Variants in SLC14A2 observed in about 807,000 individuals in gnomAD.
SLC14A2 encodes solute carrier family 14 member 2.
SLC14A2 carries 91 observed loss-of-function variants against 104.6 expected under a neutral mutation model. That is an observed-to-expected ratio of 0.87 (90% CI 0.73 to 1.04). SLC14A2 has a LOEUF of 1.04. Ranked by LOEUF, SLC14A2 falls within the 50% of genes least tolerant of loss-of-function variation. The pLI is 0.00. For synonymous variants in SLC14A2, 476 were observed against 466.4 expected, an observed-to-expected ratio of 1.02 and a Z score of -0.27; for missense variants, 1,189 against 1,156.0, an observed-to-expected ratio of 1.03 and a Z score of -0.41.
chr18:45,291,281 CGAGTAA>C (rs1205338104), intron 1 of SLC14A2, among the ~76,000 whole-genome samples: 1 of 151,472 alleles, frequency 6.6e-6, no homozygotes, highest in African/African-American at 2.4e-5. Context: ...CTTCTCAGAG[CGAGTAA>C]GAGTAAGAAA....
At chr18:45,654,173 G>A (rs1238989786) in intron 10 of SLC14A2, among the ~76,000 whole-genome samples, 1 of 151,668 alleles carries the variant, frequency 6.6e-6, no homozygotes, top group East Asian at 1.9e-4. Flanking sequence ...AGGGGCATTT[G>A]TCTTTCTTCT....
Position 45,667,770 on chromosome 18 carries a change from T to A in SLC14A2, c.1718-63T>A. On this transcript the variant is annotated intron_variant, in intron 13 of 19. Coordinates refer to ENST00000255226, the MANE Select transcript of SLC14A2 (RefSeq NM_007163.4). ...TATCCAGATTCCCTCACACCCTCCA[T>A]CTGCCCACCCAGGGCTGCCCACACT... 4 of 1,386,388 alleles carry A rather than the reference T, an allele frequency of 2.9e-6. No homozygotes were observed. In the South Asian group the frequency reaches 4.8e-5, roughly 17 times the overall value. The allele number at this position is 1,386,388 out of a possible 1,614,324, so 85.9% of individuals were successfully genotyped here.
chr18:45,361,807 T>TA (rs1442173794), intron 1 of SLC14A2, among the ~76,000 whole-genome samples: 5 of 152,122 alleles, frequency 3.3e-5, no homozygotes, highest in Non-Finnish European at 7.4e-5. Flanking sequence ...AGTAATTTTT[T>TA]TTTTTAAATC....
chr18:45,488,354 G>GT (rs2087652445), intron 2 of SLC14A2, among the ~76,000 whole-genome samples: 1 of 152,178 alleles, frequency 6.6e-6, no homozygotes, highest in African/African-American at 2.4e-5. Flanking sequence ...CAGCAAAGAA[G>GT]TGGCATTGGC....
At chr18:45,669,111 T>C (rs2046082895) in intron 15 of SLC14A2, among the ~76,000 whole-genome samples, 195 bp from the exon 16 acceptor site, 1 of 152,200 alleles carries the variant, frequency 6.6e-6, no homozygotes, top group South Asian at 2.1e-4. Flanking sequence ...TGAAGTTGAG[T>C]CTGGGTGCCC....
chr18:45,499,068 C>A (rs1302521047), intron 2 of SLC14A2, among the ~76,000 whole-genome samples: 2 of 152,192 alleles, frequency 1.3e-5, no homozygotes, highest in Non-Finnish European at 2.9e-5. Context: ...AAAGCCTTCT[C>A]ATTTTCTTCC....
intron 10 of SLC14A2, among the ~76,000 whole-genome samples, chr18:45,657,101 G>A (rs533773884): frequency 6.6e-6 from 1 of 152,266 alleles, no homozygotes; most frequent in African/African-American, 2.4e-5. Context: ...TGAGGAAAGG[G>A]AGCCATGGTT....
chr18:45,548,096 G>A (rs1050213651), intron 2 of SLC14A2, among the ~76,000 whole-genome samples: 1 of 152,206 alleles, frequency 6.6e-6, no homozygotes, highest in African/African-American at 2.4e-5. Context: ...TCTGGTTATG[G>A]GAGGCAGGAG....
At chr18:45,349,278 C>T (rs2085479213) in intron 1 of SLC14A2, among the ~76,000 whole-genome samples, 1 of 152,158 alleles carries the variant, frequency 6.6e-6, no homozygotes, top group African/African-American at 2.4e-5. Flanking sequence ...GTTACATAAT[C>T]GGGAATACAT....
intron 1 of SLC14A2, among the ~76,000 whole-genome samples, chr18:45,462,203 C>G (rs2087058492): frequency 6.6e-6 from 1 of 152,200 alleles, no homozygotes; most frequent in Non-Finnish European, 1.5e-5. Context: ...TCATACTACT[C>G]TATAAATCTA....
intron 18 of SLC14A2, 59 bp downstream of exon 18, chr18:45,673,876 T>C: frequency 6.6e-7 from 1 of 1,519,158 alleles, no homozygotes; most frequent in African/African-American, 1.4e-5. Flanking sequence ...CATAAAACTG[T>C]TTTTTTATGT....
intron 8 of SLC14A2, among the ~76,000 whole-genome samples, chr18:45,642,305 G>T (rs547079766): frequency 2.0e-5 from 3 of 152,248 alleles, no homozygotes; most frequent in Non-Finnish European, 4.4e-5. Context: ...GCTGGGCATG[G>T]AGACAGTGGA....
chr18:45,390,412 A>G (rs2085947425), intron 1 of SLC14A2, among the ~76,000 whole-genome samples: 1 of 152,164 alleles, frequency 6.6e-6, no homozygotes, highest in Admixed American at 6.5e-5. Flanking sequence ...GCTTTATGGT[A>G]GAAATGGTGC....
intron 2 of SLC14A2, among the ~76,000 whole-genome samples, chr18:45,571,511 G>T (rs372415321): frequency 6.6e-6 from 1 of 152,230 alleles, no homozygotes; most frequent in African/African-American, 2.4e-5. Context: ...TGAGGCTACA[G>T]AAGGGAGTAT....
intron 1 of SLC14A2, among the ~76,000 whole-genome samples, chr18:45,437,301 C>T (rs1465645946): frequency 6.6e-6 from 1 of 152,192 alleles, no homozygotes; most frequent in African/African-American, 2.4e-5. Context: ...GGAAAGAAAG[C>T]AGGGCCAAGG....
At chr18:45,560,628 G>C (rs1193062385) in intron 2 of SLC14A2, among the ~76,000 whole-genome samples, 1 of 152,172 alleles carries the variant, frequency 6.6e-6, no homozygotes, top group Non-Finnish European at 1.5e-5. Context: ...AATGAAAAGT[G>C]ATAACAAAAA....
At chr18:45,214,485 A>G (rs1218633835) in intron 1 of SLC14A2, among the ~76,000 whole-genome samples, 1 of 152,116 alleles carries the variant, frequency 6.6e-6, no homozygotes, top group Non-Finnish European at 1.5e-5. Flanking sequence ...TTATTCCACA[A>G]TGGCCTCTCA....
intron 1 of SLC14A2, among the ~76,000 whole-genome samples, chr18:45,405,691 T>A (rs2086146643): frequency 6.6e-6 from 1 of 152,026 alleles, no homozygotes; most frequent in Non-Finnish European, 1.5e-5. Flanking sequence ...TCTTTTGAGA[T>A]CAGGAGTTTG....
chr18:45,176,646 C>T, the SLC14A2 span, among the ~76,000 whole-genome samples: 1 of 152,202 alleles, frequency 6.6e-6, no homozygotes, highest in Non-Finnish European at 1.5e-5. Context: ...GACCATTACT[C>T]CTTCCAGAAG....
Sources: allele counts gnomAD v4.1 joint callset (sites outside exome capture counted in the v4.1 genomes callset), GRCh38; gene constraint gnomAD v4.1.1; transcripts MANE v1.5; gene names NCBI Gene and HGNC (gene_info 2026-07-23, HGNC 2026-07-21).